CHN2: variants seen among roughly 807,000 people sequenced by gnomAD.
The protein encoded by CHN2 is chimerin 2, also known as beta-chimaerin.
CHN2 carries 35 observed loss-of-function variants against 56.3 expected under a neutral mutation model. The ratio of observed to expected loss-of-function variants is 0.62; its 90% CI spans 0.47 to 0.82. The LOEUF (loss-of-function observed/expected upper bound fraction) is 0.82. Ranked by LOEUF, CHN2 falls within the 40% of genes least tolerant of loss-of-function variation. The pLI is 0.00. For synonymous variants in CHN2, 210 were observed against 212.8 expected, an observed-to-expected ratio of 0.99 and a Z score of 0.12; for missense variants, 491 against 580.5, an observed-to-expected ratio of 0.85 and a Z score of 1.58.
chr7:29,394,857 A>G (rs915992512), intron 4 of CHN2, among the ~76,000 whole-genome samples: 1 of 152,244 alleles, frequency 6.6e-6, no homozygotes, highest in Non-Finnish European at 1.5e-5. Flanking sequence ...GTTTTGTCAA[A>G]TAACTTTTTA....
At chr7:29,425,108 GTTGA>G (rs1183170838) in intron 6 of CHN2, among the ~76,000 whole-genome samples, 1 of 152,230 alleles carries the variant, frequency 6.6e-6, no homozygotes, top group African/African-American at 2.4e-5. Flanking sequence ...AGCCATTGGT[GTTGA>G]TTGAGAGATC....
intron 3 of CHN2, among the ~76,000 whole-genome samples, chr7:29,385,442 G>T (rs1449873605): frequency 6.6e-6 from 1 of 152,122 alleles, no homozygotes; most frequent in Non-Finnish European, 1.5e-5. Flanking sequence ...TAACATCCTG[G>T]ATTCTACCCA....
At chr7:29,381,368 C>A (rs1319196720) in intron 3 of CHN2, among the ~76,000 whole-genome samples, 1 of 152,122 alleles carries the variant, frequency 6.6e-6, no homozygotes, top group Non-Finnish European at 1.5e-5. Flanking sequence ...AAAAGTATGC[C>A]TAATTGGGTT....
intron 7 of CHN2, chr7:29,483,794 C>G: frequency 8.7e-7 from 1 of 1,148,978 alleles, no homozygotes; most frequent in Non-Finnish European, 1.1e-6. Flanking sequence ...TCGGCTTGCT[C>G]GGCTTCCTGC....
intron 10 of CHN2, among the ~76,000 whole-genome samples, chr7:29,506,939 A>G (rs1790634578): frequency 6.6e-6 from 1 of 152,194 alleles, no homozygotes; most frequent in African/African-American, 2.4e-5. Flanking sequence ...CCATAATACA[A>G]ATTATTGTGC....
intron 2 of CHN2, among the ~76,000 whole-genome samples, chr7:29,179,478 T>C (rs17150621): frequency 0.13 from 19,663 of 152,158 alleles, 1,557 homozygotes; most frequent in African/African-American, 0.21. Context: ...TGCTAGAAAA[T>C]CCAGGAACCC....
intron 2 of CHN2, among the ~76,000 whole-genome samples, chr7:29,358,624 G>A (rs945515750): frequency 3.3e-5 from 5 of 151,912 alleles, no homozygotes; most frequent in Admixed American, 6.6e-5. Context: ...CACTGCGCCC[G>A]GCTAATTTTT....
chr7:29,307,493 A>G (rs1794261835), intron 1 of CHN2, among the ~76,000 whole-genome samples: 1 of 152,184 alleles, frequency 6.6e-6, no homozygotes, highest in Non-Finnish European at 1.5e-5. Flanking sequence ...GTTACATGTC[A>G]AGTGGGAATT....
rs1021341396 is a variant in CHN2, at chr7:29,220,081, A to AT, written c.49+25092dup. Among the ~76,000 whole-genome samples, 10 of 120,120 alleles carry AT rather than the reference A, an allele frequency of 8.3e-5. No individual in the cohort carries two copies. The East Asian group carries it at 8.7e-4, about 10-fold the overall frequency. The allele number at this position is 120,120 out of a possible 152,430, so 78.8% of individuals were successfully genotyped here. ...CAGAGCAAGACTCTGTCTCAAAAAA[A>AT]TAAAAAAATTTAAAAAAAAAGGAAA... On this transcript the variant is annotated intron_variant, in intron 1 of 12. Transcript: ENST00000222792.
At chr7:29,337,586 A>G (rs1796720584) in intron 1 of CHN2, among the ~76,000 whole-genome samples, 1 of 152,206 alleles carries the variant, frequency 6.6e-6, no homozygotes, top group African/African-American at 2.4e-5. Flanking sequence ...CCCTTTAATC[A>G]TAGACCTACT....
exon 2 of CHN2, chr7:29,146,939 C>T (rs1425873924): frequency 3.2e-6 from 5 of 1,550,998 alleles, no homozygotes; most frequent in Non-Finnish European, 4.4e-6. Context: ...CGCTGATGGT[C>T]TACATTCCAG....
intron 1 of CHN2, among the ~76,000 whole-genome samples, chr7:29,220,336 A>G (rs576488346): frequency 2.0e-5 from 3 of 151,656 alleles, no homozygotes; most frequent in African/African-American, 7.3e-5. Flanking sequence ...GAAGTAGGAA[A>G]CGATATATAA....
At chr7:29,320,693 A>G (rs768293133) in intron 1 of CHN2, among the ~76,000 whole-genome samples, 1 of 152,096 alleles carries the variant, frequency 6.6e-6, no homozygotes, top group Non-Finnish European at 1.5e-5. Flanking sequence ...CACCCACACT[A>G]GATGCCTATT....
At chr7:29,491,440 A>G (rs1788659721) in intron 7 of CHN2, among the ~76,000 whole-genome samples, 1 of 152,056 alleles carries the variant, frequency 6.6e-6, no homozygotes, top group East Asian at 1.9e-4. Flanking sequence ...AGACAATCTC[A>G]GTCTGTTGTC....
At chr7:29,431,623 G>A (rs570178027) in intron 6 of CHN2, among the ~76,000 whole-genome samples, 11 of 152,264 alleles carry the variant, frequency 7.2e-5, no homozygotes, top group Admixed American at 4.6e-4. Context: ...CATAAGTGGC[G>A]ATATAACTTC....
chr7:29,508,278 G>C (rs1293530318), intron 11 of CHN2, among the ~76,000 whole-genome samples: 1 of 151,900 alleles, frequency 6.6e-6, no homozygotes, highest in Non-Finnish European at 1.5e-5. Context: ...AAAGGGGGCA[G>C]GTCTGGGGGA....
chr7:29,396,833 G>T (rs960180962), intron 4 of CHN2: 1 of 152,424 alleles, frequency 6.6e-6, no homozygotes, highest in Non-Finnish European at 1.5e-5. Flanking sequence ...TGCACAGGAG[G>T]CTCCTCCGCA....
chr7:29,316,488 A>G (rs1240613167), intron 1 of CHN2, among the ~76,000 whole-genome samples: 1 of 152,192 alleles, frequency 6.6e-6, no homozygotes, highest in Non-Finnish European at 1.5e-5. Flanking sequence ...AGAATCACAT[A>G]TTCACTGTAG....
intron 1 of CHN2, among the ~76,000 whole-genome samples, chr7:29,275,420 C>G (rs1321258472): frequency 1.3e-5 from 2 of 152,166 alleles, no homozygotes; most frequent in African/African-American, 4.8e-5. Context: ...GTCAAGAGAA[C>G]ACTTTAACTT....
Sources: allele counts gnomAD v4.1 joint callset (sites outside exome capture counted in the v4.1 genomes callset), GRCh38; gene constraint gnomAD v4.1.1; transcripts MANE v1.5; gene names NCBI Gene and HGNC (gene_info 2026-07-23, HGNC 2026-07-21).